SETD7: variants seen among roughly 807,000 people sequenced by gnomAD.
SETD7 encodes histone-lysine N-methyltransferase SETD7.
Under a neutral mutation model 41.8 loss-of-function variants are expected in SETD7, and 16 were observed. The ratio of observed to expected loss-of-function variants is 0.38; its 90% CI spans 0.26 to 0.58. The LOEUF is 0.58. Among genes scored for constraint, SETD7 ranks in the 20% least tolerant of loss-of-function variants. The pLI is 0.64. For missense variants in SETD7, 346 were observed against 459.7 expected (o/e 0.75, Z 2.26); for synonymous variants, 163 against 169.7 (o/e 0.96, Z 0.31).
chr4:139,542,273 G>T (rs997305720), intron 2 of SETD7, among the ~76,000 whole-genome samples: 3 of 152,144 alleles, frequency 2.0e-5, no homozygotes, highest in Non-Finnish European at 4.4e-5. Flanking sequence ...GGGAGAGGTT[G>T]GTCAACAGGT....
At chr4:139,520,252 A>G (rs765366314) in intron 6 of SETD7, 25 bp downstream of exon 6, 1 of 1,303,878 alleles carries the variant, frequency 7.7e-7, no homozygotes, top group Admixed American at 2.1e-5. Context: ...AACAAAGTTG[A>G]TTTTCCACTG....
intron 3 of SETD7, chr4:139,532,809 T>C (rs541299927): frequency 3.1e-6 from 1 of 319,596 alleles, no homozygotes; most frequent in Non-Finnish European, 5.8e-6. Context: ...ATAAAACTAA[T>C]AGCAACAATG....
chr4:139,496,491 T>C, exon 8 of SETD7: 2 of 702,356 alleles, frequency 2.8e-6, no homozygotes, highest in Non-Finnish European at 5.2e-6. Flanking sequence ...ATCTGCTTCT[T>C]TTACACGTTC....
At chr4:139,532,940 T>C in intron 3 of SETD7, 2 of 586,232 alleles carry the variant, frequency 3.4e-6, no homozygotes, top group Non-Finnish European at 6.0e-6. Context: ...AATTACTCCT[T>C]TCCAAAACAA....
At position 139,529,013 on chromosome 4, in the gene SETD7, G is replaced by A; in HGVS notation, c.562+18C>T. The stretch of plus-strand genomic sequence containing the variant: ...GCTTTGGAATTGGAGCAACCCATCT[G>A]AAGCAGATTCAACTTACTTCCAGGC... On this transcript the variant is annotated intron_variant, in intron 4 of 7. Coordinates refer to ENST00000274031, the MANE Select transcript of SETD7 (RefSeq NM_030648.4). 1 of 1,610,234 alleles carries A rather than the reference G, an allele frequency of 6.2e-7. No homozygotes were observed. Among genetic ancestry groups the A allele is most frequent in the Non-Finnish European group, 8.5e-7 (1 of 1,177,594 alleles).
intron 2 of SETD7, among the ~76,000 whole-genome samples, chr4:139,538,175 T>A (rs1322925350): frequency 6.6e-6 from 1 of 152,122 alleles, no homozygotes; most frequent in Non-Finnish European, 1.5e-5. Context: ...AATTTATGAG[T>A]GATCCAATTG....
downstream of SETD7, among the ~76,000 whole-genome samples, chr4:139,493,560 A>T (rs1423460761): frequency 6.8e-6 from 1 of 148,048 alleles, no homozygotes; most frequent in Non-Finnish European, 1.5e-5. Flanking sequence ...TTTTTTTGAG[A>T]CAGGGTCTCA....
At position 139,519,895 on chromosome 4, in the gene SETD7, T is replaced by C. The variant is rs538318064; in HGVS notation, c.762+382A>G. Among the ~76,000 whole-genome samples the C allele has an allele frequency of 2.0e-5, 3 of 152,366 alleles. No individual in the cohort carries two copies. The South Asian group carries it at 6.2e-4, about 32-fold the overall frequency. On this transcript the variant is annotated intron_variant, in intron 6 of 7. Transcript: ENST00000274031. ...ATTTTTTTGACAAAAGAACTCTTCCTGACAAAATGTAGGATATAGTATAGC... is the reference window on the plus strand; with the variant it reads ...ATTTTTTTGACAAAAGAACTCTTCCCGACAAAATGTAGGATATAGTATAGC...
At chr4:139,547,200 C>G (rs959314356) in intron 1 of SETD7, 151 bp from the exon 2 acceptor site, 3 of 946,332 alleles carry the variant, frequency 3.2e-6, no homozygotes, top group Non-Finnish European at 4.7e-6. Flanking sequence ...GGGTAGTCAG[C>G]GTGCAAAAGT....
chr4:139,523,085 C>G (rs1300442101), intron 5 of SETD7, among the ~76,000 whole-genome samples: 3 of 152,110 alleles, frequency 2.0e-5, no homozygotes, highest in Admixed American at 2.0e-4. Context: ...AGGTTTTACT[C>G]TAGGACAGAC....
At chr4:139,516,355 A>C (rs181309153) in intron 7 of SETD7, among the ~76,000 whole-genome samples, 42 of 150,408 alleles carry the variant, frequency 2.8e-4, no homozygotes, top group Admixed American at 4.7e-4. Context: ...AATCCCAGCT[A>C]TTCGGGAGGC....
intron 2 of SETD7, among the ~76,000 whole-genome samples, chr4:139,534,018 A>C (rs1462314304): frequency 1.3e-5 from 2 of 152,120 alleles, no homozygotes; most frequent in African/African-American, 4.8e-5. Context: ...TACATCCATG[A>C]TCATGGCCAG....
chr4:139,516,465 CAAAAA>C (rs66848307), intron 7 of SETD7, among the ~76,000 whole-genome samples: 3 of 93,030 alleles, frequency 3.2e-5, no homozygotes, highest in Non-Finnish European at 4.2e-5. Context: ...GACTCTGTCT[CAAAAA>C]AAAAAAAAAA....
intron 7 of SETD7, among the ~76,000 whole-genome samples, chr4:139,500,701 G>T (rs1411922016): frequency 6.6e-6 from 1 of 152,110 alleles, no homozygotes; most frequent in Non-Finnish European, 1.5e-5. Context: ...TAGAGACGGG[G>T]TTTTGCCATG....
At chr4:139,521,938 CA>C (rs1727189360) in intron 5 of SETD7, among the ~76,000 whole-genome samples, 1 of 152,204 alleles carries the variant, frequency 6.6e-6, no homozygotes, top group South Asian at 2.1e-4. Flanking sequence ...TAGCTGATTC[CA>C]GTCAGAAGTG....
intron 1 of SETD7, among the ~76,000 whole-genome samples, chr4:139,551,454 T>C (rs1728107590): frequency 6.6e-6 from 1 of 151,992 alleles, no homozygotes; most frequent in Non-Finnish European, 1.5e-5. Flanking sequence ...ATGGTCATTA[T>C]CTATTGAACA....
chr4:139,509,733 A>G lies in SETD7; in HGVS notation c.*1930T>C. 6 of 985,518 alleles carry G rather than the reference A, an allele frequency of 6.1e-6. No individual in the cohort carries two copies. The highest frequency in any genetic ancestry group is 7.2e-6 in the Non-Finnish European group (6 of 829,990). 61.0% of individuals were successfully genotyped at this position (985,518 alleles called of 1,614,324 possible). A position where few individuals can be genotyped will look rare whatever the true frequency, so the allele number is the denominator to read the frequency against. On this transcript the variant is annotated 3_prime_UTR_variant, in exon 8 of 8. Coordinates refer to ENST00000274031, the MANE Select transcript of SETD7 (RefSeq NM_030648.4). Reference sequence around the variant, plus strand: ...GTCCAGAGGCCCTGGCCCATCCGTCACAGTGTATAGAACGGTCTCTTTCTA... The same window carrying G: ...GTCCAGAGGCCCTGGCCCATCCGTCGCAGTGTATAGAACGGTCTCTTTCTA...
intron 1 of SETD7, among the ~76,000 whole-genome samples, chr4:139,552,077 A>C (rs60718741): frequency 0.016 from 2,473 of 151,942 alleles, 62 homozygotes; most frequent in African/African-American, 0.056. Context: ...TACCTGGATA[A>C]TTTTTTTTAA....
chr4:139,556,050 T>A, intron 1 of SETD7, 48 bp downstream of exon 1: 1 of 1,550,782 alleles, frequency 6.4e-7, no homozygotes, highest in South Asian at 1.2e-5. Context: ...CCTTCCGCGC[T>A]CCAGGCCCTC....
Sources: allele counts gnomAD v4.1 joint callset (sites outside exome capture counted in the v4.1 genomes callset), GRCh38; gene constraint gnomAD v4.1.1; transcripts MANE v1.5; gene names NCBI Gene and HGNC (gene_info 2026-07-23, HGNC 2026-07-21).